The following PLCH1 variants were observed in gnomAD, a reference collection of about 807,000 sequenced individuals.
PLCH1 encodes phospholipase C eta 1.
Under a neutral mutation model 126.7 loss-of-function variants are expected in PLCH1, and 60 were observed. That is an observed-to-expected ratio of 0.47 (90% CI 0.38 to 0.59). The LOEUF is 0.59. PLCH1 is among the 20% of genes least tolerant of loss of function. PLCH1 has a pLI of 0.00. For missense variants in PLCH1, 1,723 were observed against 2,040.0 expected (o/e 0.84, Z 2.99); for synonymous variants, 719 against 734.9 (o/e 0.98, Z 0.35).
At chr3:155,550,969 T>G (rs1258991613) in intron 9 of PLCH1, among the ~76,000 whole-genome samples, 1 of 152,196 alleles carries the variant, frequency 6.6e-6, no homozygotes, top group Admixed American at 6.5e-5. Context: ...CCTTTGTGGC[T>G]GAGGTAGGTT....
At chr3:155,712,844 T>C (rs1029824575) in intron 1 of PLCH1, among the ~76,000 whole-genome samples, 1 of 151,754 alleles carries the variant, frequency 6.6e-6, no homozygotes, top group African/African-American at 2.4e-5. Context: ...CGTCTCCACC[T>C]CTTTCTCTCT....
Position 155,594,165 on chromosome 3 carries a change from G to A in PLCH1, c.246C>T (p.Tyr82=). The A allele has an allele frequency of 6.2e-7, 1 of 1,613,844 alleles. No individual in the cohort carries two copies. Among genetic ancestry groups the A allele is most frequent in the East Asian group, 2.2e-5 (1 of 44,882 alleles). The change falls in exon 4 of 23, where the codon TAC becomes TAT. Residue 82 remains tyrosine (Y), a synonymous_variant. Coordinates refer to ENST00000460012, the MANE Select transcript of PLCH1 (RefSeq NM_014996.4). ...CAGACTGCCGGCCCTCAGTCACTTTGTAAATGGAATCAATAAGTACTGTGA... is the reference window on the plus strand; with the variant it reads ...CAGACTGCCGGCCCTCAGTCACTTTATAAATGGAATCAATAAGTACTGTGA... ...EKAKILIDSI[Y]KVTEGRQSEI...
chr3:155,612,115 A>G (rs959074085), intron 2 of PLCH1, among the ~76,000 whole-genome samples: 14 of 151,792 alleles, frequency 9.2e-5, no homozygotes, highest in Admixed American at 8.5e-4. Context: ...TCAAGAGTTC[A>G]TGAACAGCCT....
chr3:155,538,011 T>C (rs192320153), intron 10 of PLCH1, among the ~76,000 whole-genome samples: 1 of 152,056 alleles, frequency 6.6e-6, no homozygotes, highest in African/African-American at 2.4e-5. Flanking sequence ...AAAACAAGTC[T>C]CAACGAATTT....
chr3:155,477,557 C>T (rs373705222), downstream of PLCH1, among the ~76,000 whole-genome samples: 1 of 151,944 alleles, frequency 6.6e-6, no homozygotes, highest in South Asian at 2.1e-4. Context: ...AGAAAAAAAT[C>T]TAATAATCTG....
intron 2 of PLCH1, among the ~76,000 whole-genome samples, chr3:155,695,653 A>G (rs947606585): frequency 6.6e-6 from 1 of 152,278 alleles, no homozygotes; most frequent in Admixed American, 6.5e-5. Context: ...GACAGAAATG[A>G]AAGTAGTAAT....
downstream of PLCH1, among the ~76,000 whole-genome samples, chr3:155,479,453 C>T (rs1213917772): frequency 6.6e-6 from 1 of 152,024 alleles, no homozygotes; most frequent in African/African-American, 2.4e-5. Context: ...GAACCAGGGA[C>T]CAAGTGTTCT....
chr3:155,554,095 G>C lies in PLCH1; in HGVS notation c.1171C>G (p.His391Asp). ...ACTTACTCATTCTTCACAAAGGCAT[G>C]CTTGTTGATGGTCTCCACAACATCT... Reference protein sequence around the residue: ...FRDVVETINKHAFVKNEFPVI... With the variant: ...FRDVVETINKDAFVKNEFPVI... The change falls in exon 9 of 23, where the codon CAT (histidine) becomes GAT (aspartate). Residue 391 changes from histidine (H) to aspartate (D), a missense_variant. This residue lies in a region of PLCH1 where 776 missense variants were observed against 1,062.9 expected (regional missense o/e 0.73). Transcript: ENST00000460012. 1 of 1,613,914 alleles carries C rather than the reference G, an allele frequency of 6.2e-7. No homozygotes were observed. The highest frequency in any genetic ancestry group is 8.5e-7 in the Non-Finnish European group (1 of 1,179,830).
At chr3:155,592,484 G>GCCTCCATC (rs1732325336) in intron 4 of PLCH1, among the ~76,000 whole-genome samples, 1 of 84,946 alleles carries the variant, frequency 1.2e-5, no homozygotes, top group African/African-American at 3.1e-5. Flanking sequence ...GACAGAGCAA[G>GCCTCCATC]ACTCCATCTC....
intron 2 of PLCH1, among the ~76,000 whole-genome samples, chr3:155,659,700 T>C (rs538483547): frequency 2.6e-5 from 4 of 152,122 alleles, no homozygotes; most frequent in African/African-American, 7.2e-5. Context: ...GGTTTCACCA[T>C]GTTGGCCAGG....
At chr3:155,629,958 C>T (rs1737833655) in intron 2 of PLCH1, among the ~76,000 whole-genome samples, 1 of 152,210 alleles carries the variant, frequency 6.6e-6, no homozygotes, top group Non-Finnish European at 1.5e-5. Context: ...TTTAAAGGGA[C>T]AAGTCCTGTC....
intron 2 of PLCH1, among the ~76,000 whole-genome samples, chr3:155,663,979 C>T (rs138976602): frequency 6.6e-6 from 1 of 152,308 alleles, no homozygotes; most frequent in East Asian, 1.9e-4. Flanking sequence ...AAGCATTCCT[C>T]AGCCAACTGT....
chr3:155,588,225 A>C (rs979762778), intron 4 of PLCH1, among the ~76,000 whole-genome samples: 1 of 152,218 alleles, frequency 6.6e-6, no homozygotes, highest in Non-Finnish European at 1.5e-5. Context: ...CTTTTAAAAT[A>C]ACTAGCCCAG....
chr3:155,575,481 T>TTA (rs1382954055), intron 6 of PLCH1, among the ~76,000 whole-genome samples: 1 of 152,130 alleles, frequency 6.6e-6, no homozygotes, highest in East Asian at 1.9e-4. Context: ...AATGTATAGA[T>TTA]CTATATCAGA....
At chr3:155,564,812 G>A in intron 8 of PLCH1, 103 bp downstream of exon 8, 1 of 702,600 alleles carries the variant, frequency 1.4e-6, no homozygotes, top group East Asian at 2.5e-5. Flanking sequence ...ACTAATTAGT[G>A]TGAGAGTGTG....
At chr3:155,710,172 T>C (rs1404559475) in intron 1 of PLCH1, among the ~76,000 whole-genome samples, 1 of 151,738 alleles carries the variant, frequency 6.6e-6, no homozygotes, top group Non-Finnish European at 1.5e-5. Context: ...ATTTTTTTAG[T>C]AGAGACGGGA....
At chr3:155,486,021 T>C in intron 21 of PLCH1, 1 of 672,734 alleles carries the variant, frequency 1.5e-6, no homozygotes, top group Non-Finnish European at 2.5e-6. Flanking sequence ...TTCAGGCGCC[T>C]TAAAGCAACA....
At chr3:155,676,391 G>T in intron 2 of PLCH1, 1 of 1,021,934 alleles carries the variant, frequency 9.8e-7, no homozygotes, top group Non-Finnish European at 1.2e-6. Context: ...GCTTCGTGCA[G>T]CGCGTTAAAG....
chr3:155,512,452 G>T (rs1226257274), intron 12 of PLCH1, among the ~76,000 whole-genome samples: 2 of 152,180 alleles, frequency 1.3e-5, no homozygotes, highest in Non-Finnish European at 2.9e-5. Context: ...GGAAAGCTTA[G>T]GGCACTGTGG....
Sources: gnomAD v4.1 joint callset for allele counts (sites outside exome capture counted in the v4.1 genomes callset) on GRCh38, gnomAD v4.1.1 for gene constraint, gnomAD v4.1.1 regional missense constraint, MANE v1.5 for transcripts, NCBI Gene and HGNC (gene_info 2026-07-23, HGNC 2026-07-21) for gene names.